The following PLPPR1 variants were observed in gnomAD, a reference collection of about 807,000 sequenced individuals.
PLPPR1 encodes the protein phospholipid phosphatase-related protein type 1.
PLPPR1 carries 10 observed loss-of-function variants against 33.1 expected under a neutral mutation model. That is an observed-to-expected ratio of 0.30 (90% CI 0.19 to 0.51). The LOEUF is 0.51. Ranked by LOEUF, PLPPR1 falls within the 20% of genes least tolerant of loss-of-function variation. PLPPR1 has a pLI of 0.97. For missense variants in PLPPR1, 304 were observed against 408.1 expected (o/e 0.74, Z 2.20); for synonymous variants, 151 against 151.0 (o/e 1.00, Z 0.00).
chr9:101,316,401 C>T (rs1396341169), intron 6 of PLPPR1, among the ~76,000 whole-genome samples: 1 of 151,570 alleles, frequency 6.6e-6, no homozygotes, highest in African/African-American at 2.4e-5. Flanking sequence ...CGTACGACTG[C>T]ACTCCAGCCT....
chr9:101,091,990 G>C (rs1324666632), intron 1 of PLPPR1, among the ~76,000 whole-genome samples: 1 of 152,096 alleles, frequency 6.6e-6, no homozygotes, highest in Non-Finnish European at 1.5e-5. Flanking sequence ...TGAAGCATGG[G>C]TCCCCTCTTG....
At chr9:101,192,416 G>A (rs1826312044) in intron 2 of PLPPR1, among the ~76,000 whole-genome samples, 1 of 152,136 alleles carries the variant, frequency 6.6e-6, no homozygotes, top group African/African-American at 2.4e-5. Flanking sequence ...AAAGCACAGA[G>A]TTTGAGTCCT....
At chr9:101,138,629 C>G (rs1157428303) in intron 1 of PLPPR1, among the ~76,000 whole-genome samples, 1 of 152,242 alleles carries the variant, frequency 6.6e-6, no homozygotes, top group Non-Finnish European at 1.5e-5. Flanking sequence ...AGCCCTGGCT[C>G]TCACTAGCTG....
In PLPPR1 at chr9:101,270,077, A is replaced by C. The variant is rs1281053952; in HGVS notation, c.252+9A>C. 6.2e-7 allele frequency: 1 copy of C among 1,613,520 alleles called. No homozygotes were observed. The highest frequency in any genetic ancestry group is 8.5e-7 in the Non-Finnish European group (1 of 1,179,554). ...CCACCCCAACTGCTATTGTAAGTAC[A>C]GAAATAGACTTTCCTCTTTATTGTC... On this transcript the variant is annotated intron_variant, in intron 3 of 7. Transcript: ENST00000374874.
intron 1 of PLPPR1, among the ~76,000 whole-genome samples, chr9:101,042,758 G>T (rs1433334754): frequency 6.6e-6 from 1 of 152,138 alleles, no homozygotes; most frequent in African/African-American, 2.4e-5. Flanking sequence ...AAATGAGAAT[G>T]ATTTAAACAT....
At chr9:101,102,009 T>C (rs1830907061) in intron 1 of PLPPR1, among the ~76,000 whole-genome samples, 1 of 152,052 alleles carries the variant, frequency 6.6e-6, no homozygotes, top group African/African-American at 2.4e-5. Flanking sequence ...CCTTTTTCAC[T>C]TATCATGTTT....
intron 4 of PLPPR1, among the ~76,000 whole-genome samples, chr9:101,308,039 T>A (rs921497912): frequency 1.3e-5 from 2 of 152,084 alleles, no homozygotes; most frequent in Non-Finnish European, 2.9e-5. Context: ...AGAGAACAAA[T>A]AAAATCCAGG....
chr9:101,265,983 G>A (rs1024219151), intron 2 of PLPPR1, among the ~76,000 whole-genome samples: 4 of 151,652 alleles, frequency 2.6e-5, no homozygotes, highest in South Asian at 2.1e-4. Context: ...GCGACAGTGC[G>A]AGACACCGCC....
At chr9:101,285,049 CA>C (rs1828368659) in intron 3 of PLPPR1, among the ~76,000 whole-genome samples, 1 of 152,166 alleles carries the variant, frequency 6.6e-6, no homozygotes, top group Non-Finnish European at 1.5e-5. Context: ...CACTCCTCAA[CA>C]GTAAAGCAAG....
intron 1 of PLPPR1, among the ~76,000 whole-genome samples, chr9:101,038,589 T>C (rs1367126114): frequency 6.6e-6 from 1 of 152,056 alleles, no homozygotes. Context: ...CCACAACTGG[T>C]GATTGAAGAG....
chr9:101,097,360 G>A (rs1339426), intron 1 of PLPPR1, among the ~76,000 whole-genome samples: 32,458 of 152,124 alleles, frequency 0.21, 3,587 homozygotes, highest in East Asian at 0.36. Flanking sequence ...TCAGATCTAA[G>A]TGAACATGTT....
At chr9:101,075,978 GA>G (rs1830530243) in intron 1 of PLPPR1, among the ~76,000 whole-genome samples, 1 of 152,154 alleles carries the variant, frequency 6.6e-6, no homozygotes, top group Non-Finnish European at 1.5e-5. Context: ...TTGAGGGTCA[GA>G]AAGAAGGCCA....
intron 1 of PLPPR1, among the ~76,000 whole-genome samples, chr9:101,051,128 G>A (rs1244519250): frequency 6.6e-6 from 1 of 152,042 alleles, no homozygotes; most frequent in Admixed American, 6.5e-5. Flanking sequence ...TCCATTTTCT[G>A]TTCTTCACAA....
At chr9:101,170,106 A>G (rs1825918457) in intron 1 of PLPPR1, among the ~76,000 whole-genome samples, 1 of 152,110 alleles carries the variant, frequency 6.6e-6, no homozygotes, top group Non-Finnish European at 1.5e-5. Flanking sequence ...CTGTGTACCT[A>G]CTATGTGCCA....
rs149003428 is a variant in PLPPR1 at position 101,312,968 on chromosome 9, G to A, written c.807G>A (p.Leu269=). The change falls in exon 6 of 8, where the codon CTG becomes CTA. Residue 269 remains leucine (L), a synonymous_variant. Coordinates refer to ENST00000374874, the MANE Select transcript of PLPPR1 (RefSeq NM_207299.2). ...AGFILGTAVA[L]FLGMCVVHNF... is the part of the protein sequence containing the mutation. ...TCATCCTGGGCACTGCAGTGGCCCT[G>A]TTTCTGGTAGGTTGACTTCCCTCTT... 3.0e-5 allele frequency: 49 copies of A among 1,613,894 alleles called. No homozygotes were observed. In the African/African-American group the frequency reaches 6.4e-4, roughly 21 times the overall value.
At chr9:101,258,620 C>T (rs1249807766) in intron 2 of PLPPR1, among the ~76,000 whole-genome samples, 1 of 152,144 alleles carries the variant, frequency 6.6e-6, no homozygotes, top group African/African-American at 2.4e-5. Flanking sequence ...AAGTAAAATG[C>T]ACAAGTCATC....
At chr9:101,240,958 A>G (rs933500179) in intron 2 of PLPPR1, among the ~76,000 whole-genome samples, 1 of 152,092 alleles carries the variant, frequency 6.6e-6, no homozygotes, top group Non-Finnish European at 1.5e-5. Context: ...GCCATACTTT[A>G]CTTGAACACG....
chr9:101,139,948 A>G (rs1831428025), intron 1 of PLPPR1, among the ~76,000 whole-genome samples: 1 of 152,326 alleles, frequency 6.6e-6, no homozygotes, highest in Admixed American at 6.5e-5. Flanking sequence ...ATGATCTGAA[A>G]CAGCTGGAGA....
chr9:101,200,060 G>T (rs1826466509), intron 2 of PLPPR1, among the ~76,000 whole-genome samples: 1 of 152,146 alleles, frequency 6.6e-6, no homozygotes, highest in Non-Finnish European at 1.5e-5. Flanking sequence ...AGGATTCTCT[G>T]TCCTCTGCCT....
Sources: allele counts gnomAD v4.1 joint callset (sites outside exome capture counted in the v4.1 genomes callset), GRCh38; gene constraint gnomAD v4.1.1; transcripts MANE v1.5; gene names NCBI Gene and HGNC (gene_info 2026-07-23, HGNC 2026-07-21).